Variants in PDPK1 observed in about 807,000 individuals in gnomAD.
PDPK1 encodes the protein 3-phosphoinositide-dependent protein kinase 1.
Under a neutral mutation model 39.8 loss-of-function variants are expected in PDPK1, and 7 were observed. The observed-to-expected ratio is 0.18, with a 90% CI of 0.10 to 0.33. The LOEUF (loss-of-function observed/expected upper bound fraction) is 0.33, where lower values mean the gene tolerates loss of function less well. Ranked by LOEUF, PDPK1 falls within the 10% of genes least tolerant of loss-of-function variation. PDPK1 has a pLI of 1.00. For missense variants in PDPK1, 182 were observed against 384.7 expected (o/e 0.47, Z 4.41); for synonymous variants, 118 against 159.1 (o/e 0.74, Z 1.95).
Position 2,593,471 on chromosome 16 carries a change from C to T in PDPK1, c.1344-2322C>T. 1 of 224,860 alleles carries T rather than the reference C, an allele frequency of 4.4e-6. No homozygotes were observed. The highest frequency in any genetic ancestry group is 5.4e-5 in the South Asian group (1 of 18,628). The allele number at this position is 224,860 out of a possible 1,614,324, so 13.9% of individuals were successfully genotyped here. A position where few individuals can be genotyped will look rare whatever the true frequency, so the allele number is the denominator to read the frequency against. ...GCTGGGCTGCTGTTCTCGCTCTCAG[C>T]CAGGAAGGCGGCCCCTCCCACACAG... On this transcript the variant is annotated intron_variant, in intron 11 of 13. Coordinates refer to ENST00000342085, the MANE Select transcript of PDPK1 (RefSeq NM_002613.5). This position sits in a 1 kb window ranked among gnomAD's most constrained non-coding sequence, Gnocchi z 4.2.
chr16:2,539,075 C>T (rs2066193790), intron 1 of PDPK1: 1 of 165,884 alleles, frequency 6.0e-6, no homozygotes, highest in South Asian at 9.2e-5. Context: ...TTCCAGGATG[C>T]GGCTTTTTTT....
In PDPK1 at chr16:2,599,680, C is replaced by G. The variant is rs986716528; in HGVS notation, c.*1913C>G. Reference sequence around the variant, plus strand: ...GGCTGTGTTGGGGAGTCTCTCTTAGCCCTTTCAGGAATTTCTGTTCAGGCT... The same window carrying G: ...GGCTGTGTTGGGGAGTCTCTCTTAGGCCTTTCAGGAATTTCTGTTCAGGCT... On this transcript the variant is annotated 3_prime_UTR_variant, in exon 14 of 14. Transcript: ENST00000342085. 1.7e-5 allele frequency: 4 copies of G among 233,164 alleles called. No homozygotes were observed. The highest frequency in any genetic ancestry group is 8.8e-5 in the African/African-American group (4 of 45,346). The allele number at this position is 233,164 out of a possible 1,614,324, so 14.4% of individuals were successfully genotyped here.
intron 1 of PDPK1, among the ~76,000 whole-genome samples, chr16:2,545,196 C>T (rs2066318928): frequency 6.6e-6 from 1 of 151,804 alleles, no homozygotes; most frequent in South Asian, 2.1e-4. Flanking sequence ...TACCACCAGT[C>T]GTGGCTAATT....
rs369381082 is a variant in PDPK1, at chr16:2,602,098, G to A, written c.*4331G>A. On this transcript the variant is annotated 3_prime_UTR_variant, in exon 14 of 14. Transcript: ENST00000342085. ...GGTCACTGCTGAGACTTCAGAGATC[G>A]CAGCTGCTGTGAGAATACGGTGAAG... 187 of 234,372 alleles carry A rather than the reference G, an allele frequency of 8.0e-4. 2 individuals are homozygous for A. The highest frequency in any genetic ancestry group is 3.8e-3 in the African/African-American group (171 of 45,394). 14.5% of individuals were successfully genotyped at this position (234,372 alleles called of 1,614,324 possible).
intron 10 of PDPK1, among the ~76,000 whole-genome samples, chr16:2,585,846 C>T (rs2066861744): frequency 6.6e-6 from 1 of 152,244 alleles, no homozygotes; most frequent in Admixed American, 6.5e-5. Flanking sequence ...CAGCCAGGGC[C>T]TGCGTCTGGA....
chr16:2,543,608 T>G (rs2066279687), intron 1 of PDPK1, among the ~76,000 whole-genome samples: 1 of 150,790 alleles, frequency 6.6e-6, no homozygotes, highest in African/African-American at 2.5e-5. Context: ...TGCTGCCCTG[T>G]TCTCAGCAGT....
rs527719535 is a variant in PDPK1, at chr16:2,597,483, G to T, written c.1555-168G>T. 2.2e-4 allele frequency among the ~76,000 whole-genome samples: 33 copies of T among 152,332 alleles called. No homozygotes were observed. The highest frequency in any genetic ancestry group is 6.7e-4 in the African/African-American group (28 of 41,578). The stretch of plus-strand genomic sequence containing the variant: ...CTTGTTTTTCAGTTTGGTGGTGACT[G>T]GGGGTGGTGGTCATCAGCCTGTGTA... On this transcript the variant is annotated intron_variant, in intron 13 of 13. Transcript: ENST00000342085. This position sits in a 1 kb window ranked among gnomAD's most constrained non-coding sequence, Gnocchi z 6.3.
rs894982799 is a variant in PDPK1, at chr16:2,538,764, C to G, written c.24+628C>G. The G allele has an allele frequency of 2.5e-5, 32 of 1,284,016 alleles. No homozygotes were observed. In the Middle Eastern group the frequency reaches 1.5e-3, roughly 60 times the overall value. 79.5% of individuals were successfully genotyped at this position (1,284,016 alleles called of 1,614,324 possible). A position where few individuals can be genotyped will look rare whatever the true frequency, so the allele number is the denominator to read the frequency against. On this transcript the variant is annotated intron_variant, in intron 1 of 13. Coordinates refer to ENST00000342085, the MANE Select transcript of PDPK1 (RefSeq NM_002613.5). ...GCAGGATCACCGAGGGGAAAGTGAG[C>G]TTGACAGGTAGGAGGGATTTTAGGG...
intron 7 of PDPK1, among the ~76,000 whole-genome samples, chr16:2,577,775 T>C (rs1457029313): frequency 6.7e-6 from 1 of 149,748 alleles, no homozygotes; most frequent in East Asian, 2.0e-4. Context: ...AGTCTCGCTC[T>C]GTCTCCAGAC....
rs541948179 is a variant in PDPK1 at position 2,539,146 on chromosome 16, C to T, written c.24+1010C>T. The T allele has an allele frequency of 1.6e-3, 268 of 172,518 alleles. 2 individuals are homozygous for T. Among genetic ancestry groups the T allele is most frequent in the Non-Finnish European group, 1.2e-3 (104 of 84,718 alleles). The allele number at this position is 172,518 out of a possible 1,614,324, so 10.7% of individuals were successfully genotyped here. A position where few individuals can be genotyped will look rare whatever the true frequency, so the allele number is the denominator to read the frequency against. ...GCAGGCTGGAGTGCAGTGATGCGAT[C>T]TCAGCTCACTGCAACCTCCATCTCC... On this transcript the variant is annotated intron_variant, in intron 1 of 13. Coordinates refer to ENST00000342085, the MANE Select transcript of PDPK1 (RefSeq NM_002613.5).
intron 1 of PDPK1, chr16:2,539,018 A>G (rs2066192459): frequency 4.4e-6 from 1 of 225,778 alleles, no homozygotes; most frequent in Non-Finnish European, 9.0e-6. Flanking sequence ...TAAAAGGCAA[A>G]TATTTTAAAT....
At chr16:2,596,531 A>G (rs555119421) in intron 12 of PDPK1, among the ~76,000 whole-genome samples, 5 of 152,216 alleles carry the variant, frequency 3.3e-5, no homozygotes, top group Non-Finnish European at 7.3e-5. Context: ...TGGATCCAGC[A>G]CTTAGCAAGT....
At chr16:2,550,430 G>A (rs1397151927) in intron 1 of PDPK1, among the ~76,000 whole-genome samples, 1 of 79,686 alleles carries the variant, frequency 1.3e-5, no homozygotes, top group Non-Finnish European at 2.4e-5. Flanking sequence ...CCCGTTCAGA[G>A]GTAACTGGCA....
In PDPK1 at chr16:2,601,310, C is replaced by G. The variant is rs1339603857; in HGVS notation, c.*3543C>G. The G allele has an allele frequency of 4.3e-6, 1 of 234,364 alleles. No homozygotes were observed. The highest frequency in any genetic ancestry group is 8.5e-6 in the Non-Finnish European group (1 of 117,882). The allele number at this position is 234,364 out of a possible 1,614,324, so 14.5% of individuals were successfully genotyped here. On this transcript the variant is annotated 3_prime_UTR_variant, in exon 14 of 14. Transcript: ENST00000342085. ...GTTCCAAAGAATGTCTGAATAAGACCGCTCTTTATTTAAATGCTAAGAGGA... is the reference window on the plus strand; with the variant it reads ...GTTCCAAAGAATGTCTGAATAAGACGGCTCTTTATTTAAATGCTAAGAGGA...
chr16:2,544,095 C>T (rs536939592), intron 1 of PDPK1, among the ~76,000 whole-genome samples: 1 of 152,290 alleles, frequency 6.6e-6, no homozygotes, highest in East Asian at 1.9e-4. Flanking sequence ...ATGTTCAGTA[C>T]AGATGCAATT....
chr16:2,538,693 C>A, intron 1 of PDPK1: 1 of 1,286,216 alleles, frequency 7.8e-7, no homozygotes, highest in Non-Finnish European at 1.0e-6. Flanking sequence ...TTTTGCTGCC[C>A]GTGGCTGTGC....
At chr16:2,539,771 G>A (rs1297364969) in intron 1 of PDPK1, among the ~76,000 whole-genome samples, 3 of 152,176 alleles carry the variant, frequency 2.0e-5, no homozygotes, top group East Asian at 3.8e-4. Flanking sequence ...GACAGTCATG[G>A]CGAAATTTGT....
intron 1 of PDPK1, among the ~76,000 whole-genome samples, chr16:2,539,724 G>A (rs2066209420): frequency 6.6e-6 from 1 of 152,204 alleles, no homozygotes; most frequent in African/African-American, 2.4e-5. Flanking sequence ...GGGGCCGAGA[G>A]TTATGTCGAA....
At chr16:2,580,431 A>G (rs929778563) in intron 7 of PDPK1, among the ~76,000 whole-genome samples, 7 of 144,454 alleles carry the variant, frequency 4.8e-5, no homozygotes, top group Non-Finnish European at 1.1e-4. Context: ...GCCGCCCTGA[A>G]TTCCTCGGTG....
Sources: allele counts gnomAD v4.1 joint callset (sites outside exome capture counted in the v4.1 genomes callset), GRCh38; gene constraint gnomAD v4.1.1; non-coding constraint Gnocchi (gnomAD v3.1); transcripts MANE v1.5; gene names NCBI Gene and HGNC (gene_info 2026-07-23, HGNC 2026-07-21).